Variants in SURF1 observed in about 807,000 individuals in gnomAD.
The protein encoded by SURF1 is surfeit locus protein 1.
In SURF1, 45 loss-of-function variants were observed where a neutral mutation model predicts 34.1. The observed-to-expected ratio is 1.32, with a 90% CI of 1.04 to 1.69. The LOEUF (loss-of-function observed/expected upper bound fraction) is 1.69. Ranked by LOEUF, SURF1 falls within the 40% of genes most tolerant of loss-of-function variation. SURF1 has a pLI of 0.00. For synonymous variants in SURF1, 188 were observed against 147.5 expected, an observed-to-expected ratio of 1.27 and a Z score of -1.99; for missense variants, 456 against 384.6, an observed-to-expected ratio of 1.19 and a Z score of -1.55.
rs963888324 is a variant in SURF1, at chr9:133,352,338, A to G, written c.751+108T>C. 3.9e-6 allele frequency: 6 copies of G among 1,558,250 alleles called. No homozygotes were observed. In the African/African-American group the frequency reaches 8.1e-5, roughly 21 times the overall value. On this transcript the variant is annotated intron_variant, in intron 7 of 8. Coordinates refer to ENST00000371974, the MANE Select transcript of SURF1 (RefSeq NM_003172.4). ...TGCTGCCTCCTCCCACCCGCCATAT[A>G]CACATGTGAGAACATAAGCCACAGT...
Position 133,353,827 on chromosome 9 carries a change from G to GCCTCCCGGA in SURF1, c.428_436dup (p.Val143_Glu145dup). 1 of 1,613,820 alleles carries GCCTCCCGGA rather than the reference G, an allele frequency of 6.2e-7. No individual in the cohort carries two copies. Among genetic ancestry groups the GCCTCCCGGA allele is most frequent in the East Asian group, 2.2e-5 (1 of 44,888 alleles). ...GGAGGAGATGAGGCCGCCCTCCCGGGCCTCCCGGACAGGGTCCACCATGGT... is the reference window on the plus strand; with the variant it reads ...GGAGGAGATGAGGCCGCCCTCCCGGGCCTCCCGGACCTCCCGGACAGGGTCCACCATGGT... On this transcript the variant is annotated inframe_insertion, in exon 5 of 9. Coordinates refer to ENST00000371974, the MANE Select transcript of SURF1 (RefSeq NM_003172.4).
At chr9:133,352,652 C>A in intron 6 of SURF1, 42 bp downstream of exon 6, 1 of 1,613,822 alleles carries the variant, frequency 6.2e-7, no homozygotes, top group South Asian at 1.1e-5. Context: ...CTGGTGGACT[C>A]CCAGAGCCTT....
At chr9:133,353,070 C>T (rs1010058632) in intron 5 of SURF1, among the ~76,000 whole-genome samples, 5 of 152,204 alleles carry the variant, frequency 3.3e-5, no homozygotes, top group Non-Finnish European at 5.9e-5. Flanking sequence ...CGCTGCCACG[C>T]CAGAGTTTAG....
At position 133,352,572 on chromosome 9, in the gene SURF1, G is replaced by C. The variant is rs2130008022; in HGVS notation, c.625C>G (p.Leu209Val). Residue 209 changes from leucine to valine, a missense_variant, in exon 7 of 9, where the codon CTG (leucine) becomes GTG (valine). Transcript: ENST00000371974. ...ACAAAAGGCTGCCTGGTTTCTGTCAGCCTCACCATCCCAATGAGGTCCACT... is the reference window on the plus strand; with the variant it reads ...ACAAAAGGCTGCCTGGTTTCTGTCACCCTCACCATCCCAATGAGGTCCACT... ...GEVDLIGMVR[L>V]TETRQPFVPE... The C allele has an allele frequency of 1.2e-6, 2 of 1,614,188 alleles. No homozygotes were observed. Among genetic ancestry groups the C allele is most frequent in the South Asian group, 1.1e-5 (1 of 91,082 alleles).
At chr9:133,353,185 G>A (rs2130012522) in intron 5 of SURF1, among the ~76,000 whole-genome samples, 1 of 152,342 alleles carries the variant, frequency 6.6e-6, no homozygotes, top group East Asian at 1.9e-4. Context: ...TGCTGGAGAT[G>A]AGTACTTGGG....
intron 5 of SURF1, among the ~76,000 whole-genome samples, chr9:133,353,043 G>C (rs1048230970): frequency 6.6e-6 from 1 of 152,110 alleles, no homozygotes; most frequent in Non-Finnish European, 1.5e-5. Flanking sequence ...CTACTACAAC[G>C]TGCAACTGGT....
At chr9:133,354,440 G>A (rs902914649) in intron 4 of SURF1, among the ~76,000 whole-genome samples, 1 of 152,114 alleles carries the variant, frequency 6.6e-6, no homozygotes, top group Non-Finnish European at 1.5e-5. Context: ...CTCAAAATAA[G>A]ACTTTCCTCC....
chr9:133,354,053 G>C (rs191352783), intron 4 of SURF1, 113 bp from the exon 5 acceptor site: 2 of 1,228,212 alleles, frequency 1.6e-6, no homozygotes, highest in African/African-American at 3.0e-5. Context: ...GAAAGGCAAA[G>C]GGCGTGCTCT....
At chr9:133,354,800 C>T (rs2130018707) in intron 3 of SURF1, 24 bp downstream of exon 3, 12 of 1,613,762 alleles carry the variant, frequency 7.4e-6, no homozygotes, top group African/African-American at 6.7e-5. Flanking sequence ...CCCAGAGTTA[C>T]GCACACCAGA....
Position 133,352,796 on chromosome 9 carries a change from G to A in SURF1, c.516-30C>T, listed in dbSNP as rs2130010312. 2.5e-6 allele frequency: 4 copies of A among 1,596,004 alleles called. No homozygotes were observed. The Admixed American group carries it at 5.2e-5, about 21-fold the overall frequency. ...GGTAATGAAAGTGCTACTTCAGGTG[G>A]GGAGGGTTTTTGACTAAAGACAGTC... On this transcript the variant is annotated intron_variant, in intron 5 of 8. Coordinates refer to ENST00000371974, the MANE Select transcript of SURF1 (RefSeq NM_003172.4).
intron 7 of SURF1, 128 bp downstream of exon 7, chr9:133,352,318 C>T: frequency 1.3e-6 from 2 of 1,510,500 alleles, no homozygotes; most frequent in South Asian, 1.2e-5. Context: ...TGAGTTGCTG[C>T]CTCCTCCCAC....
intron 5 of SURF1, among the ~76,000 whole-genome samples, chr9:133,353,031 A>G (rs116552621): frequency 0.014 from 2,081 of 152,188 alleles, 62 homozygotes; most frequent in African/African-American, 0.046. Flanking sequence ...CTTGTGGTCT[A>G]CCTACTACAA....
At chr9:133,356,097 GACC>G (rs1289428587) in intron 2 of SURF1, 169 bp downstream of exon 2, 8 of 902,830 alleles carry the variant, frequency 8.9e-6, no homozygotes, top group South Asian at 2.9e-5. Flanking sequence ...CCCGGCACAC[GACC>G]ACAATTCCAC....
chr9:133,351,771 C>T lies in SURF1; in HGVS notation c.*142G>A. On this transcript the variant is annotated 3_prime_UTR_variant, in exon 9 of 9. Coordinates refer to ENST00000371974, the MANE Select transcript of SURF1 (RefSeq NM_003172.4). ...TTGGGAAAGTTCTTTGGACTGAAAC[C>T]AAGCCAGGATTTTATGATGAACCAG... 1 of 1,012,608 alleles carries T rather than the reference C, an allele frequency of 9.9e-7. No homozygotes were observed. The highest frequency in any genetic ancestry group is 1.5e-6 in the Non-Finnish European group (1 of 666,956). 62.7% of individuals were successfully genotyped at this position (1,012,608 alleles called of 1,614,324 possible).
At chr9:133,355,035 T>G in intron 2 of SURF1, 78 bp from the exon 3 acceptor site, 2 of 1,589,766 alleles carry the variant, frequency 1.3e-6, no homozygotes, top group Non-Finnish European at 8.6e-7. Flanking sequence ...CAAGACAGAC[T>G]CCAGTACTGC....
chr9:133,354,635 C>G (rs1313407410), intron 4 of SURF1, 24 bp downstream of exon 4: 2 of 1,611,612 alleles, frequency 1.2e-6, no homozygotes, highest in African/African-American at 2.7e-5. Flanking sequence ...AAAACAGGCC[C>G]TAGGGGGGCA....
rs2130003282 is a variant in SURF1 at position 133,351,980 on chromosome 9, T to A, written c.836A>T (p.Tyr279Phe). ...GTAGGATGTAGCTGCAGAGAGTCCA[T>A]ACCTAGGGGTTGAAAGCAAGCCAGC... ...NEHLQYIVTW[Y>F]GLSAATSYLW... Residue 279 changes from tyrosine (Y) to phenylalanine (F), a missense_variant and splice_region_variant, in exon 9 of 9, where the codon TAT (tyrosine) becomes TTT (phenylalanine). Coordinates refer to ENST00000371974, the MANE Select transcript of SURF1 (RefSeq NM_003172.4). The A allele has an allele frequency of 6.2e-7, 1 of 1,613,854 alleles. No homozygotes were observed. Among genetic ancestry groups the A allele is most frequent in the Admixed American group, 1.7e-5 (1 of 59,980 alleles).
In SURF1 at chr9:133,353,742, T is replaced by G. The variant is rs2130014145; in HGVS notation, c.515+7A>C. ...CAGGACAGCCAGCTCCCACATGTCC[T>G]ACTCACCCCAGGTCGGTGCAGTGGA... is the stretch of plus-strand genomic sequence containing the variant. On this transcript the variant is annotated splice_region_variant and intron_variant, in intron 5 of 8. Coordinates refer to ENST00000371974, the MANE Select transcript of SURF1 (RefSeq NM_003172.4). 1.2e-6 allele frequency: 2 copies of G among 1,613,766 alleles called. No individual in the cohort carries two copies. The highest frequency in any genetic ancestry group is 2.2e-5 in the South Asian group (2 of 91,092).
Position 133,352,698 on chromosome 9 carries a change from C to A in SURF1, c.584G>T (p.Gly195Val), listed in dbSNP as rs1193858183. The A allele has an allele frequency of 1.2e-6, 2 of 1,613,614 alleles. No homozygotes were observed. The highest frequency in any genetic ancestry group is 4.5e-5 in the East Asian group (2 of 44,882). ...KKVNPETRQK[G>V]QIEGEVDLIG... Reference sequence around the variant, plus strand: ...GGAAGAGTCCATGTCCCTTACCTGGCCTTTCTGCCGGGTTTCAGGATTCAC... The same window carrying A: ...GGAAGAGTCCATGTCCCTTACCTGGACTTTCTGCCGGGTTTCAGGATTCAC... The change falls in exon 6 of 9, where the codon GGC (glycine) becomes GTC (valine). Residue 195 changes from glycine (G) to valine (V), a missense_variant. Gly to Val is a moderately radical substitution (Grantham distance 109, BLOSUM62 -3). Transcript: ENST00000371974.
Sources: gnomAD v4.1 joint callset for allele counts (sites outside exome capture counted in the v4.1 genomes callset) on GRCh38, gnomAD v4.1.1 for gene constraint, MANE v1.5 for transcripts, NCBI Gene and HGNC (gene_info 2026-07-23, HGNC 2026-07-21) for gene names.